The following ZNF638 variants were observed in gnomAD, a reference collection of about 807,000 sequenced individuals.
The protein encoded by ZNF638 is CTCL tumor antigen se33-1.
ZNF638 carries 46 observed loss-of-function variants against 195.6 expected under a neutral mutation model. That is an observed-to-expected ratio of 0.24 (90% CI 0.19 to 0.30). The LOEUF (loss-of-function observed/expected upper bound fraction) is 0.30, where lower values mean the gene tolerates loss of function less well. Among genes scored for constraint, ZNF638 ranks in the 10% least tolerant of loss-of-function variants. ZNF638 has a pLI of 1.00. For synonymous variants in ZNF638, 845 were observed against 772.0 expected, an observed-to-expected ratio of 1.09 and a Z score of -1.57; for missense variants, 2,440 against 2,325.3, an observed-to-expected ratio of 1.05 and a Z score of -1.01.
intron 10 of ZNF638, 80 bp downstream of exon 10, chr2:71,380,645 G>A: frequency 8.2e-7 from 1 of 1,225,674 alleles, no homozygotes; most frequent in African/African-American, 1.5e-5. Context: ...ATGCTATGAA[G>A]ACACTATTGT....
intron 10 of ZNF638, among the ~76,000 whole-genome samples, chr2:71,391,631 C>T (rs756101653): frequency 5.9e-5 from 9 of 152,212 alleles, no homozygotes; most frequent in Non-Finnish European, 1.3e-4. Flanking sequence ...TACATACTAA[C>T]TTCCTGGTCA....
intron 8 of ZNF638, among the ~76,000 whole-genome samples, chr2:71,377,228 A>T (rs4852779): frequency 1.3e-5 from 2 of 152,072 alleles, no homozygotes; most frequent in South Asian, 2.1e-4. Flanking sequence ...GTGAGACCCT[A>T]TCTCAACAAA....
chr2:71,346,887 G>C (rs567855373), intron 1 of ZNF638, among the ~76,000 whole-genome samples: 80 of 152,234 alleles, frequency 5.3e-4, no homozygotes, highest in African/African-American at 1.9e-3. Flanking sequence ...CAGGTAGCAT[G>C]GTGGCACATG....
In ZNF638 at chr2:71,350,283, T is replaced by TA. The variant is rs778907400; in HGVS notation, c.1317+19dup. ...GTAGTCATTTGAAGGTGAGTGTTTT[T>TA]AAAAAAAGATCACTGTATAATGATG... is the stretch of plus-strand genomic sequence containing the variant. On this transcript the variant is annotated intron_variant, in intron 2 of 27. Coordinates refer to ENST00000264447, the MANE Select transcript of ZNF638 (RefSeq NM_014497.5). The TA allele has an allele frequency of 1.8e-5, 28 of 1,591,688 alleles. No homozygotes were observed. Among genetic ancestry groups the TA allele is most frequent in the South Asian group, 1.6e-4 (14 of 90,308 alleles).
intron 8 of ZNF638, among the ~76,000 whole-genome samples, chr2:71,377,534 A>C (rs1324897234): frequency 6.6e-6 from 1 of 152,200 alleles, no homozygotes; most frequent in Admixed American, 6.5e-5. Context: ...GAAAATACGC[A>C]ATCAGAATTT....
intron 8 of ZNF638, among the ~76,000 whole-genome samples, chr2:71,376,728 C>G (rs1321349140): frequency 6.6e-6 from 1 of 151,734 alleles, no homozygotes; most frequent in East Asian, 1.9e-4. Context: ...AAAAAAAATC[C>G]TATATCCCTA....
intron 1 of ZNF638, chr2:71,341,780 G>A (rs532859627): frequency 6.6e-6 from 1 of 152,204 alleles, no homozygotes; most frequent in Admixed American, 6.5e-5. Flanking sequence ...CAGAGCTCCT[G>A]GGGTTAAAGG....
chr2:71,334,221 T>A (rs2078623898), intron 1 of ZNF638, among the ~76,000 whole-genome samples: 1 of 152,230 alleles, frequency 6.6e-6, no homozygotes, highest in African/African-American at 2.4e-5. Flanking sequence ...CTCTAAATCA[T>A]GCTCTTTCCA....
rs80052824 is a variant in ZNF638, at chr2:71,427,854, A to G, written c.5545+440A>G. On this transcript the variant is annotated intron_variant, in intron 24 of 27. Transcript: ENST00000264447. Reference sequence around the variant, plus strand: ...TTGTAATGATACAGAATAGTACGGCAGCTCACTTTCCGAACTTGAGGGAGA... The same window carrying G: ...TTGTAATGATACAGAATAGTACGGCGGCTCACTTTCCGAACTTGAGGGAGA... Among the ~76,000 whole-genome samples, 7,467 of 152,212 alleles carry G rather than the reference A, an allele frequency of 0.049. 865 individuals are homozygous for G. The East Asian group carries it at 0.52, about 11-fold the overall frequency.
chr2:71,388,865 G>A (rs970771536), intron 10 of ZNF638: 39 of 640,362 alleles, frequency 6.1e-5, no homozygotes, highest in Non-Finnish European at 9.3e-5. Flanking sequence ...GCAGAGCCTC[G>A]GTTTCACAGG....
chr2:71,369,060 C>T (rs767744305), intron 7 of ZNF638, among the ~76,000 whole-genome samples: 3 of 151,912 alleles, frequency 2.0e-5, no homozygotes, highest in Non-Finnish European at 2.9e-5. Flanking sequence ...TAAGGCTGGG[C>T]GTGTTGGCTT....
intron 10 of ZNF638, chr2:71,395,335 T>C (rs2079871270): frequency 4.2e-6 from 3 of 714,120 alleles, no homozygotes; most frequent in African/African-American, 1.8e-5. Context: ...CAAAACCTGA[T>C]GCAAAAAACA....
chr2:71,349,605 T>C lies in ZNF638; in HGVS notation c.651T>C (p.Tyr217=), dbSNP rs146296595. The change falls in exon 2 of 28, where the codon TAT becomes TAC. Residue 217 remains tyrosine (Y), a synonymous_variant. Coordinates refer to ENST00000264447, the MANE Select transcript of ZNF638 (RefSeq NM_014497.5). ...NVIDYGHASK[Y]GYTEDPLEVR... Reference sequence around the variant, plus strand: ...TCGATTATGGGCATGCAAGCAAATATGGCTACACAGAAGATCCACTTGAAG... The same window carrying C: ...TCGATTATGGGCATGCAAGCAAATACGGCTACACAGAAGATCCACTTGAAG... 15 of 1,614,096 alleles carry C rather than the reference T, an allele frequency of 9.3e-6. No homozygotes were observed. The highest frequency in any genetic ancestry group is 2.2e-5 in the South Asian group (2 of 91,086).
rs1166680142 is a variant in ZNF638, at chr2:71,423,393, G to A, written c.3879G>A (p.Lys1293=). The stretch of plus-strand genomic sequence containing the variant: ...CAGGAATTCCCACTGGGGATGAGAA[G>A]ACAGTGGACAAAAAGAATATTTCTG... ...LVPGIPTGDE[K]TVDKKNISEK... is the part of the protein sequence containing the mutation. The change falls in exon 22 of 28, where the codon AAG becomes AAA. Residue 1293 remains lysine (K), a synonymous_variant. Coordinates refer to ENST00000264447, the MANE Select transcript of ZNF638 (RefSeq NM_014497.5). The A allele has an allele frequency of 6.2e-7, 1 of 1,613,728 alleles. No homozygotes were observed. The highest frequency in any genetic ancestry group is 1.3e-5 in the African/African-American group (1 of 74,864).
In ZNF638 at chr2:71,349,034, C is replaced by A. The variant is rs1330120385; in HGVS notation, c.80C>A (p.Pro27His). ...GCACCTAACCCTTCTGGGATGAGGCCTCCAGGACCATTTATGAGGCCTGGA... is the reference window on the plus strand; with the variant it reads ...GCACCTAACCCTTCTGGGATGAGGCATCCAGGACCATTTATGAGGCCTGGA... ...PRAPNPSGMR[P>H]PGPFMRPGSM... Residue 27 changes from proline (P) to histidine (H), a missense_variant, in exon 2 of 28, where the codon CCT becomes CAT. Around this residue, in one of 5 missense-constraint regions of ZNF638, gnomAD observed 191 missense variants for 173.8 expected, o/e 1.10. Transcript: ENST00000264447. 1.2e-6 allele frequency: 2 copies of A among 1,614,206 alleles called. No homozygotes were observed. The highest frequency in any genetic ancestry group is 2.2e-5 in the East Asian group (1 of 44,890).
intron 20 of ZNF638, among the ~76,000 whole-genome samples, chr2:71,409,463 G>A (rs187693206): frequency 2.6e-5 from 4 of 152,196 alleles, no homozygotes; most frequent in African/African-American, 7.2e-5. Flanking sequence ...TGCATTTTTG[G>A]TATCATGATT....
chr2:71,402,114 A>G, intron 16 of ZNF638, 27 bp downstream of exon 16: 3 of 1,576,020 alleles, frequency 1.9e-6, no homozygotes, highest in Non-Finnish European at 2.6e-6. Context: ...AGCTGTTCAT[A>G]TCCTCTGCAA....
At chr2:71,363,741 A>G (rs1385628916) in intron 4 of ZNF638, among the ~76,000 whole-genome samples, 1 of 152,228 alleles carries the variant, frequency 6.6e-6, no homozygotes, top group East Asian at 1.9e-4. Flanking sequence ...CATCCAAGCA[A>G]TTGGAGGGCT....
intron 3 of ZNF638, among the ~76,000 whole-genome samples, chr2:71,359,075 G>T (rs1317342558): frequency 6.6e-6 from 1 of 152,062 alleles, no homozygotes; most frequent in African/African-American, 2.4e-5. Context: ...TATGTGACTC[G>T]CTTAGTGTGA....
Sources: allele counts gnomAD v4.1 joint callset (sites outside exome capture counted in the v4.1 genomes callset), GRCh38; gene constraint gnomAD v4.1.1; regional missense constraint gnomAD v4.1.1; transcripts MANE v1.5; gene names NCBI Gene and HGNC (gene_info 2026-07-23, HGNC 2026-07-21).